Variants in KANK4 observed in about 807,000 individuals in gnomAD.
KANK4 encodes KN motif and ankyrin repeat domain-containing protein 4.
A neutral mutation model predicts 80.8 loss-of-function variants in KANK4; 50 were observed. That is an observed-to-expected ratio of 0.62 (90% CI 0.49 to 0.78). The LOEUF (loss-of-function observed/expected upper bound fraction) is 0.78, where lower values mean the gene tolerates loss of function less well. KANK4 is among the 30% of genes least tolerant of loss of function. The pLI, the probability that KANK4 is intolerant of heterozygous loss-of-function variation, is 0.00. For missense variants in KANK4, 1,196 were observed against 1,240.1 expected (o/e 0.96, Z 0.53); for synonymous variants, 465 against 506.9 (o/e 0.92, Z 1.11).
intron 7 of KANK4, among the ~76,000 whole-genome samples, chr1:62,259,643 T>C (rs542639391): frequency 1.1e-4 from 16 of 151,918 alleles, no homozygotes; most frequent in Non-Finnish European, 2.1e-4. Flanking sequence ...TTTGCTGACT[T>C]TTCTGAATGT....
intron 6 of KANK4, among the ~76,000 whole-genome samples, chr1:62,265,590 T>A (rs921961192): frequency 1.9e-4 from 29 of 152,114 alleles, no homozygotes; most frequent in African/African-American, 7.0e-4. Flanking sequence ...TCAGCTAAGA[T>A]AAAATAACAA....
rs1227334016 is a variant in KANK4 at position 62,313,917 on chromosome 1, T to C, written c.-71+5189A>G. 2.0e-5 allele frequency among the ~76,000 whole-genome samples: 3 copies of C among 152,312 alleles called. No individual in the cohort carries two copies. In the East Asian group the frequency reaches 5.8e-4, roughly 29 times the overall value. ...ATTGATAAAATGCCCTCCCCATTCA[T>C]ACTCAACGTCGTACCTAATAACTGT... On this transcript the variant is annotated intron_variant, in intron 1 of 9. Coordinates refer to ENST00000371153, the MANE Select transcript of KANK4 (RefSeq NM_181712.5).
chr1:62,258,904 CA>C, intron 7 of KANK4, among the ~76,000 whole-genome samples: 1 of 152,236 alleles, frequency 6.6e-6, no homozygotes. Flanking sequence ...AGAAGAGCCT[CA>C]GGGGGAAGAG....
chr1:62,300,758 T>C (rs181074481), intron 1 of KANK4, among the ~76,000 whole-genome samples: 1 of 152,120 alleles, frequency 6.6e-6, no homozygotes, highest in East Asian at 1.9e-4. Context: ...TAAATACAAC[T>C]CTGACTGCAA....
intron 1 of KANK4, among the ~76,000 whole-genome samples, chr1:62,305,682 T>C (rs891356316): frequency 6.6e-6 from 1 of 151,962 alleles, no homozygotes; most frequent in Non-Finnish European, 1.5e-5. Context: ...TTATAACTCA[T>C]CCAAGGTTCA....
At chr1:62,246,493 C>T (rs2149117715) in intron 9 of KANK4, among the ~76,000 whole-genome samples, 1 of 152,282 alleles carries the variant, frequency 6.6e-6, no homozygotes, top group Middle Eastern at 3.4e-3. Flanking sequence ...CAGGGCCAAG[C>T]CAGGCCTGGG....
chr1:62,274,005 T>C lies in KANK4; in HGVS notation c.1099A>G (p.Arg367Gly), dbSNP rs1672239486. ...TCTTCCTGCTGCTGGAGAGCAGTTC[T>C]GACCTGTGCCAGTTCCTCGGTTCTT... ...SGRTEELAQV[R>G]TALQQQEEEI... Residue 367 changes from arginine (R) to glycine (G), a missense_variant, in exon 3 of 10, where the codon AGA becomes GGA. Physicochemically the swap from Arg to Gly is moderately radical, Grantham distance 125. Around this residue, in one of 3 missense-constraint regions of KANK4, gnomAD observed 1,154 missense variants for 1,179.6 expected, o/e 0.98. Transcript: ENST00000371153. The C allele has an allele frequency of 1.2e-5, 19 of 1,614,100 alleles. No individual in the cohort carries two copies. Among genetic ancestry groups the C allele is most frequent in the Non-Finnish European group, 1.6e-5 (19 of 1,180,054 alleles).
At chr1:62,272,682 TAGTC>T (rs1326970239) in intron 3 of KANK4, 5 of 151,892 alleles carry the variant, frequency 3.3e-5, no homozygotes, top group Non-Finnish European at 1.5e-5. Context: ...AGTGGGCCCA[TAGTC>T]AGACCCAACC....
intron 1 of KANK4, among the ~76,000 whole-genome samples, chr1:62,299,769 A>T (rs1429467307): frequency 6.6e-6 from 1 of 152,172 alleles, no homozygotes; most frequent in Non-Finnish European, 1.5e-5. Flanking sequence ...GAGGGTAGCA[A>T]ATGATTTGAA....
intron 1 of KANK4, among the ~76,000 whole-genome samples, chr1:62,287,544 G>A (rs757084644): frequency 2.6e-5 from 4 of 152,180 alleles, no homozygotes; most frequent in South Asian, 2.1e-4. Flanking sequence ...AGCACTTTCC[G>A]TCCTGTGTCT....
chr1:62,265,067 G>C (rs568490911), intron 6 of KANK4, among the ~76,000 whole-genome samples: 1 of 152,312 alleles, frequency 6.6e-6, no homozygotes, highest in Admixed American at 6.5e-5. Flanking sequence ...CTGACCTCAG[G>C]TGATCCGTCC....
intron 2 of KANK4, among the ~76,000 whole-genome samples, chr1:62,276,758 C>T (rs1672324382): frequency 6.9e-6 from 1 of 145,966 alleles, no homozygotes; most frequent in East Asian, 1.9e-4. Context: ...GCCTGGGCAA[C>T]GATAGCAAAA....
intron 9 of KANK4, among the ~76,000 whole-genome samples, chr1:62,239,582 G>T (rs1341109353): frequency 6.6e-6 from 1 of 152,032 alleles, no homozygotes; most frequent in Non-Finnish European, 1.5e-5. Flanking sequence ...TGTTACACAT[G>T]TATATATGTG....
chr1:62,248,463 G>T (rs765221539), intron 8 of KANK4, among the ~76,000 whole-genome samples: 2 of 152,012 alleles, frequency 1.3e-5, no homozygotes, highest in Non-Finnish European at 2.9e-5. Context: ...CAGTCTTCTG[G>T]GATCAAGTGA....
chr1:62,304,441 C>CAA (rs35985239), intron 1 of KANK4, among the ~76,000 whole-genome samples: 1 of 151,630 alleles, frequency 6.6e-6, no homozygotes, highest in Non-Finnish European at 1.5e-5. Context: ...GACCAAATGT[C>CAA]AAAAAAGCCC....
At chr1:62,239,216 CCTGTT>C (rs1167407039) in intron 9 of KANK4, among the ~76,000 whole-genome samples, 1 of 152,006 alleles carries the variant, frequency 6.6e-6, no homozygotes, top group Non-Finnish European at 1.5e-5. Flanking sequence ...CTGCACCTGT[CCTGTT>C]GTTGGTTTTT....
At position 62,274,224 on chromosome 1, in the gene KANK4, G is replaced by T. The variant is rs763419526; in HGVS notation, c.880C>A (p.Pro294Thr). ...PSPPPLPSPI[P>T]ENELLLEEIE... is the part of the protein sequence containing the mutation. Reference sequence around the variant, plus strand: ...TCTTCCAGGAGGAGCTCATTCTCAGGGATGGGTGATGGCAGAGGTGGCGGG... The same window carrying T: ...TCTTCCAGGAGGAGCTCATTCTCAGTGATGGGTGATGGCAGAGGTGGCGGG... The change falls in exon 3 of 10, where the codon CCT becomes ACT. Residue 294 changes from proline (P) to threonine (T), a missense_variant. Coordinates refer to ENST00000371153, the MANE Select transcript of KANK4 (RefSeq NM_181712.5). 1.4e-5 allele frequency: 23 copies of T among 1,613,986 alleles called. No homozygotes were observed. Among genetic ancestry groups the T allele is most frequent in the Non-Finnish European group, 1.8e-5 (21 of 1,179,998 alleles).
rs191318228 is a variant in KANK4 at position 62,256,170 on chromosome 1, C to A, written c.2540-2961G>T. 2.0e-5 allele frequency among the ~76,000 whole-genome samples: 3 copies of A among 152,296 alleles called. No individual in the cohort carries two copies. The East Asian group carries it at 5.8e-4, about 29-fold the overall frequency. On this transcript the variant is annotated intron_variant, in intron 7 of 9. Coordinates refer to ENST00000371153, the MANE Select transcript of KANK4 (RefSeq NM_181712.5). ...GCCCAGGGAAGCCAAAGATTGGATA[C>A]CCCTGACTTAGAATCATGCCTAGTA... is the stretch of plus-strand genomic sequence containing the variant.
rs1342823468 is a variant in KANK4 at position 62,268,349 on chromosome 1, G to A, written c.2169C>T (p.Gly723=). Residue 723 remains glycine, a synonymous_variant, in exon 5 of 10, where the codon GGC becomes GGT. Transcript: ENST00000371153. ...TCEAGQGIPE[G]TCHAAQESGP... ...CACTTTCCTGGGCAGCATGGCAGGT[G>A]CCCTCAGGGATGCCCTGCCCAGCCT... 8 of 1,613,894 alleles carry A rather than the reference G, an allele frequency of 5.0e-6. No individual in the cohort carries two copies. Among genetic ancestry groups the A allele is most frequent in the Non-Finnish European group, 6.8e-6 (8 of 1,179,984 alleles).
Sources: gnomAD v4.1 joint callset for allele counts (sites outside exome capture counted in the v4.1 genomes callset) on GRCh38, gnomAD v4.1.1 for gene constraint, gnomAD v4.1.1 regional missense constraint, MANE v1.5 for transcripts, NCBI Gene and HGNC (gene_info 2026-07-23, HGNC 2026-07-21) for gene names.